The following BMP6 variants were observed in gnomAD, a reference collection of about 807,000 sequenced individuals.
BMP6 encodes the protein bone morphogenetic protein 6.
Under a neutral mutation model 54.1 loss-of-function variants are expected in BMP6, and 17 were observed. The observed-to-expected ratio is 0.31, with a 90% CI of 0.22 to 0.47. The LOEUF is 0.47. Ranked by LOEUF, BMP6 falls within the 20% of genes least tolerant of loss-of-function variation. The pLI, the probability that BMP6 is intolerant of heterozygous loss-of-function variation, is 1.00. For synonymous variants in BMP6, 328 were observed against 291.2 expected, an observed-to-expected ratio of 1.13 and a Z score of -1.28; for missense variants, 720 against 690.4, an observed-to-expected ratio of 1.04 and a Z score of -0.48.
At chr6:7,805,036 C>G (rs1301316412) in intron 1 of BMP6, among the ~76,000 whole-genome samples, 3 of 152,148 alleles carry the variant, frequency 2.0e-5, no homozygotes, top group Non-Finnish European at 4.4e-5. Context: ...ACTATTAAAT[C>G]CTAAGCAATT....
At chr6:7,824,021 C>T (rs1041843685) in intron 1 of BMP6, among the ~76,000 whole-genome samples, 2 of 151,912 alleles carry the variant, frequency 1.3e-5, no homozygotes, top group African/African-American at 2.4e-5. Flanking sequence ...CAAAGTAGAA[C>T]GAAAAAGGCA....
At chr6:7,862,005 C>A (rs1759342763) in intron 3 of BMP6, among the ~76,000 whole-genome samples, 1 of 152,218 alleles carries the variant, frequency 6.6e-6, no homozygotes, top group African/African-American at 2.4e-5. Context: ...CACTGCTGAT[C>A]TGTCCACCAG....
At chr6:7,767,925 C>T (rs1350811124) in intron 1 of BMP6, among the ~76,000 whole-genome samples, 1 of 152,126 alleles carries the variant, frequency 6.6e-6, no homozygotes, top group Non-Finnish European at 1.5e-5. Context: ...ATGATTAGGT[C>T]TGGGTCTCTA....
chr6:7,807,481 A>G lies in BMP6; in HGVS notation c.665-37659A>G, dbSNP rs1476340252. 3.9e-5 allele frequency among the ~76,000 whole-genome samples: 6 copies of G among 152,056 alleles called. No homozygotes were observed. The East Asian group carries it at 5.8e-4, about 15-fold the overall frequency. On this transcript the variant is annotated intron_variant, in intron 1 of 6. Coordinates refer to ENST00000283147, the MANE Select transcript of BMP6 (RefSeq NM_001718.6). ...TTTTTAGTAGAGACGGGGTTTCACC[A>G]TGTTGGCCAGACTGGTCTCGAACTC...
intron 3 of BMP6, among the ~76,000 whole-genome samples, chr6:7,861,935 A>G (rs544646405): frequency 6.6e-6 from 1 of 152,176 alleles, no homozygotes; most frequent in African/African-American, 2.4e-5. Flanking sequence ...ATCCTGACGG[A>G]TGAACAGGTT....
chr6:7,729,398 C>T (rs1326941435), intron 1 of BMP6, among the ~76,000 whole-genome samples: 1 of 142,430 alleles, frequency 7.0e-6, no homozygotes, highest in East Asian at 2.5e-4. Flanking sequence ...GTAGTCCTAA[C>T]CTGGACAAAG....
intron 1 of BMP6, among the ~76,000 whole-genome samples, chr6:7,749,754 C>T (rs1317847524): frequency 6.6e-6 from 1 of 152,186 alleles, no homozygotes; most frequent in African/African-American, 2.4e-5. Context: ...GTGAAGGCAT[C>T]ACTACCAGGT....
At chr6:7,853,846 G>A (rs984968855) in intron 2 of BMP6, among the ~76,000 whole-genome samples, 11 of 151,668 alleles carry the variant, frequency 7.3e-5, no homozygotes, top group Non-Finnish European at 1.5e-4. Context: ...TATGTAACTG[G>A]TTAGTTTCAT....
At chr6:7,852,917 A>C (rs149007671) in intron 2 of BMP6, among the ~76,000 whole-genome samples, 98 of 152,152 alleles carry the variant, frequency 6.4e-4, no homozygotes, top group African/African-American at 2.3e-3. Context: ...CACTTTTATG[A>C]GCTCATTTCC....
rs1758020230 is a variant in BMP6, at chr6:7,786,411, GAT to G, written c.665-58728_665-58727del. On this transcript the variant is annotated intron_variant, in intron 1 of 6. Transcript: ENST00000283147. The stretch of plus-strand genomic sequence containing the variant: ...TAGAGAATTCTGGTCGTGTGCTACA[GAT>G]GTTTTACAGTTTATTTCCAAACAGC... 2.0e-5 allele frequency among the ~76,000 whole-genome samples: 3 copies of G among 150,654 alleles called. No homozygotes were observed. The South Asian group carries it at 6.3e-4, about 32-fold the overall frequency.
chr6:7,795,288 C>G (rs1402360932), intron 1 of BMP6, among the ~76,000 whole-genome samples: 1 of 152,192 alleles, frequency 6.6e-6, no homozygotes, highest in Non-Finnish European at 1.5e-5. Flanking sequence ...AGGAAGGACC[C>G]TGGCCTGGTC....
At chr6:7,733,457 T>A (rs1195229659) in intron 1 of BMP6, among the ~76,000 whole-genome samples, 1 of 152,114 alleles carries the variant, frequency 6.6e-6, no homozygotes, top group Non-Finnish European at 1.5e-5. Context: ...AATAGACAAT[T>A]TACCAAGGCC....
intron 1 of BMP6, among the ~76,000 whole-genome samples, chr6:7,840,005 A>G (rs1343960331): frequency 6.6e-6 from 1 of 152,244 alleles, no homozygotes; most frequent in Non-Finnish European, 1.5e-5. Context: ...TCTATGAAGT[A>G]GGGCTGAAGA....
chr6:7,737,573 G>T (rs1026010093), intron 1 of BMP6, among the ~76,000 whole-genome samples: 1 of 151,952 alleles, frequency 6.6e-6, no homozygotes, highest in Admixed American at 6.5e-5. Flanking sequence ...ATGATCCCAC[G>T]TAGCTGCAGG....
intron 1 of BMP6, among the ~76,000 whole-genome samples, chr6:7,788,923 C>G: frequency 6.6e-6 from 1 of 150,678 alleles, no homozygotes; most frequent in South Asian, 2.1e-4. Flanking sequence ...AAGGTGCTTC[C>G]TCAGGAATGC....
intron 1 of BMP6, among the ~76,000 whole-genome samples, chr6:7,748,722 T>G (rs758376755): frequency 2.0e-5 from 3 of 152,192 alleles, no homozygotes; most frequent in Non-Finnish European, 4.4e-5. Context: ...ATGATCAAGA[T>G]TCATTGCCAG....
At chr6:7,812,366 A>C (rs142570520) in intron 1 of BMP6, among the ~76,000 whole-genome samples, 172 of 152,368 alleles carry the variant, frequency 1.1e-3, no homozygotes, top group East Asian at 9.6e-3. Flanking sequence ...TGGGCAACTG[A>C]AATTTACAAG....
chr6:7,758,550 A>T, intron 1 of BMP6, among the ~76,000 whole-genome samples: 1 of 152,218 alleles, frequency 6.6e-6, no homozygotes, highest in East Asian at 1.9e-4. Flanking sequence ...AACAAGATCA[A>T]CAAAACCCCT....
At chr6:7,856,610 T>TTTTTTTTTTTTTTTTTTTTTTG (rs1477184469) in intron 2 of BMP6, among the ~76,000 whole-genome samples, 3 of 122,154 alleles carry the variant, frequency 2.5e-5, no homozygotes, top group Non-Finnish European at 3.4e-5. Flanking sequence ...TTTTTTTTTT[T>TTTTTTTTTTTTTTTTTTTTTTG]TTTTGAGACG....
Sources: gnomAD v4.1 joint callset for allele counts (sites outside exome capture counted in the v4.1 genomes callset) on GRCh38, gnomAD v4.1.1 for gene constraint, MANE v1.5 for transcripts, NCBI Gene and HGNC (gene_info 2026-07-23, HGNC 2026-07-21) for gene names.